INPP4B: variants seen among roughly 807,000 people sequenced by gnomAD.
INPP4B encodes the protein inositol polyphosphate-4-phosphatase type II B, also known as inositol polyphosphate 4-phosphatase type II.
INPP4B carries 55 observed loss-of-function variants against 122.5 expected under a neutral mutation model. That is an observed-to-expected ratio of 0.45 (90% CI 0.36 to 0.56). The LOEUF (loss-of-function observed/expected upper bound fraction) is 0.56. Among genes scored for constraint, INPP4B ranks in the 20% least tolerant of loss-of-function variants. INPP4B has a pLI of 0.00. For synonymous variants in INPP4B, 403 were observed against 388.7 expected (o/e 1.04, Z -0.43); for missense variants, 1,000 against 1,097.7 (o/e 0.91, Z 1.26).
chr4:142,355,368 T>C (rs1278396249), intron 7 of INPP4B, among the ~76,000 whole-genome samples: 1 of 151,996 alleles, frequency 6.6e-6, no homozygotes, highest in East Asian at 1.9e-4. Context: ...TGCTCTTTTT[T>C]TTCCCCCCAC....
At chr4:142,740,180 T>A (rs181211386) in intron 1 of INPP4B, among the ~76,000 whole-genome samples, 3 of 152,104 alleles carry the variant, frequency 2.0e-5, no homozygotes, top group Admixed American at 1.3e-4. Context: ...GAAACAAATT[T>A]TGCAATGTGG....
intron 3 of INPP4B, among the ~76,000 whole-genome samples, chr4:142,447,406 C>G (rs1181572798): frequency 6.6e-6 from 1 of 152,024 alleles, no homozygotes; most frequent in African/African-American, 2.4e-5. Flanking sequence ...ATTGGGAAAC[C>G]ATTAAAGAAG....
chr4:142,193,682 T>C (rs1362427091), intron 14 of INPP4B, among the ~76,000 whole-genome samples: 2 of 152,146 alleles, frequency 1.3e-5, no homozygotes, highest in Non-Finnish European at 2.9e-5. Context: ...CTATACAGAG[T>C]ACTTTCCTGA....
intron 7 of INPP4B, among the ~76,000 whole-genome samples, chr4:142,337,253 G>A (rs1776964932): frequency 6.6e-6 from 1 of 151,920 alleles, no homozygotes; most frequent in Admixed American, 6.6e-5. Flanking sequence ...TTTATTAGCT[G>A]CAGTGAACTG....
In INPP4B at chr4:142,238,128, G is replaced by A. The variant is rs143626094; in HGVS notation, c.689-117C>T. ...TTTTATTATTCATTTGATCCAAAAT[G>A]TCTTTTTTTAAATCAAAATCCATTA... On this transcript the variant is annotated intron_variant, in intron 11 of 25. Transcript: ENST00000262992. The A allele has an allele frequency of 5.7e-3, 2,873 of 500,496 alleles. 25 individuals carry two copies. Among genetic ancestry groups the A allele is most frequent in the Middle Eastern group, 0.021 (38 of 1,792 alleles). The allele number at this position is 500,496 out of a possible 1,614,324, so 31.0% of individuals were successfully genotyped here. A position where few individuals can be genotyped will look rare whatever the true frequency, so the allele number is the denominator to read the frequency against.
At chr4:142,458,287 A>G (rs1476762925) in intron 3 of INPP4B, among the ~76,000 whole-genome samples, 1 of 152,160 alleles carries the variant, frequency 6.6e-6, no homozygotes, top group Non-Finnish European at 1.5e-5. Flanking sequence ...GAGTTTGACC[A>G]TAAATGGACA....
chr4:142,447,925 C>A (rs1813259865), intron 3 of INPP4B, among the ~76,000 whole-genome samples: 1 of 151,990 alleles, frequency 6.6e-6, no homozygotes, highest in Non-Finnish European at 1.5e-5. Flanking sequence ...AGAAAACATT[C>A]CCCAAAGAAG....
intron 11 of INPP4B, among the ~76,000 whole-genome samples, chr4:142,258,401 T>C (rs1233434547): frequency 6.6e-6 from 1 of 151,592 alleles, no homozygotes; most frequent in African/African-American, 2.4e-5. Flanking sequence ...GAAACTACCA[T>C]CAGAGTGAAC....
intron 2 of INPP4B, among the ~76,000 whole-genome samples, chr4:142,701,517 A>C (rs1210432959): frequency 5.9e-5 from 9 of 152,146 alleles, no homozygotes; most frequent in Non-Finnish European, 1.3e-4. Flanking sequence ...AAAAAAAAAA[A>C]AAAGGTTTCA....
chr4:142,313,753 C>G (rs1766423297), intron 8 of INPP4B, among the ~76,000 whole-genome samples: 2 of 152,122 alleles, frequency 1.3e-5, no homozygotes, highest in Admixed American at 1.3e-4. Context: ...TCAACTAGTC[C>G]CAAGGAAGAG....
At chr4:142,135,951 C>T (rs971936452) in intron 18 of INPP4B, among the ~76,000 whole-genome samples, 12 of 152,116 alleles carry the variant, frequency 7.9e-5, no homozygotes, top group African/African-American at 2.9e-4. Flanking sequence ...TGCCTGCCAC[C>T]ATGCCTGGCT....
At chr4:142,125,247 T>G (rs975653011) in intron 18 of INPP4B, among the ~76,000 whole-genome samples, 4 of 151,934 alleles carry the variant, frequency 2.6e-5, no homozygotes, top group African/African-American at 9.7e-5. Context: ...CTAACCCATC[T>G]CCCTTCCTCC....
rs190698437 is a variant in INPP4B, at chr4:142,286,722, C to G, written c.504-15948G>C. 3.3e-5 allele frequency among the ~76,000 whole-genome samples: 5 copies of G among 152,296 alleles called. No homozygotes were observed. The East Asian group carries it at 9.7e-4, about 29-fold the overall frequency. ...GGCTTATGGCCACCTTACAAGTCAT[C>G]AGCAGTGCTAGGATTTATCCAAGAG... On this transcript the variant is annotated intron_variant, in intron 9 of 25. Transcript: ENST00000262992.
intron 1 of INPP4B, among the ~76,000 whole-genome samples, chr4:142,743,518 T>C (rs1451516710): frequency 6.6e-6 from 1 of 151,824 alleles, no homozygotes; most frequent in East Asian, 1.9e-4. Context: ...TGAGAATGCA[T>C]GAGAGATGTT....
At chr4:142,425,328 G>A (rs1807809811) in intron 5 of INPP4B, 1 of 152,024 alleles carries the variant, frequency 6.6e-6, no homozygotes, top group Non-Finnish European at 1.5e-5. Context: ...CACTAGCTCA[G>A]CATCTAGTCT....
intron 5 of INPP4B, among the ~76,000 whole-genome samples, chr4:142,419,128 C>T (rs1294902152): frequency 6.6e-6 from 1 of 151,904 alleles, no homozygotes. Flanking sequence ...GAGATAGATA[C>T]CATGGGGGAA....
At chr4:142,053,100 G>A (rs1447657457) in intron 25 of INPP4B, among the ~76,000 whole-genome samples, 2 of 152,054 alleles carry the variant, frequency 1.3e-5, no homozygotes, top group Non-Finnish European at 2.9e-5. Flanking sequence ...ACTTCACAGA[G>A]ATGTCGGAGT....
At chr4:142,746,931 C>G (rs190468146) in intron 1 of INPP4B, among the ~76,000 whole-genome samples, 8 of 152,024 alleles carry the variant, frequency 5.3e-5, no homozygotes, top group African/African-American at 1.9e-4. Context: ...AGAAGAAAAC[C>G]TAGGCAATAC....
chr4:142,384,050 C>T, intron 7 of INPP4B: 1 of 701,432 alleles, frequency 1.4e-6, no homozygotes, highest in Non-Finnish European at 2.6e-6. Flanking sequence ...AGCAAGTTGT[C>T]TCAAGTTGTC....
Sources: gnomAD v4.1 joint callset for allele counts (sites outside exome capture counted in the v4.1 genomes callset) on GRCh38, gnomAD v4.1.1 for gene constraint, MANE v1.5 for transcripts, NCBI Gene and HGNC (gene_info 2026-07-23, HGNC 2026-07-21) for gene names.